Variants in GRK3 observed in about 807,000 individuals in gnomAD.
The protein encoded by GRK3 is G protein-coupled receptor kinase 3.
GRK3 carries 54 observed loss-of-function variants against 95.7 expected under a neutral mutation model. The observed-to-expected ratio is 0.56, with a 90% CI of 0.45 to 0.71. The LOEUF is 0.71. Ranked by LOEUF, GRK3 falls within the 30% of genes least tolerant of loss-of-function variation. The pLI is 0.00. For synonymous variants in GRK3, 281 were observed against 290.8 expected, an observed-to-expected ratio of 0.97 and a Z score of 0.34; for missense variants, 649 against 851.2, an observed-to-expected ratio of 0.76 and a Z score of 2.96.
At position 25,690,276 on chromosome 22, in the gene GRK3, G is replaced by A. The variant is rs2085154679; in HGVS notation, c.1045G>A (p.Ala349Thr). 4 of 1,612,748 alleles carry A rather than the reference G, an allele frequency of 2.5e-6. No homozygotes were observed. Among genetic ancestry groups the A allele is most frequent in the Non-Finnish European group, 3.4e-6 (4 of 1,178,712 alleles). The change falls in exon 12 of 21, where the codon GCG becomes ACG. Residue 349 changes from alanine (A) to threonine (T), a missense_variant. Transcript: ENST00000324198. ...CGATTTTTCCAAAAAGAAGCCTCAT[G>A]CGAGTGTGTAAGTAGTGCGTCAACT... Reference protein sequence around the residue: ...ACDFSKKKPHASVGTHGYMAP... With the variant: ...ACDFSKKKPHTSVGTHGYMAP...
intron 1 of GRK3, among the ~76,000 whole-genome samples, chr22:25,599,062 C>G (rs2084390830): frequency 6.6e-6 from 1 of 152,152 alleles, no homozygotes; most frequent in Non-Finnish European, 1.5e-5. Flanking sequence ...ACCATACTCC[C>G]AGAATAACTC....
At chr22:25,578,858 A>C (rs76631147) in intron 1 of GRK3, among the ~76,000 whole-genome samples, 310 of 152,252 alleles carry the variant, frequency 2.0e-3, no homozygotes, top group African/African-American at 7.1e-3. Flanking sequence ...TAAGAGAGTC[A>C]ATTTCTGCTT....
intron 1 of GRK3, among the ~76,000 whole-genome samples, chr22:25,587,772 G>A (rs892929978): frequency 1.4e-4 from 22 of 152,224 alleles, no homozygotes; most frequent in African/African-American, 4.8e-4. Context: ...TAAGTCTCAC[G>A]AGATCTGATG....
chr22:25,565,238 G>GC, intron 1 of GRK3, 85 bp downstream of exon 1: 1 of 608,732 alleles, frequency 1.6e-6, no homozygotes, highest in Non-Finnish European at 2.6e-6. Flanking sequence ...AGGGTCGGGC[G>GC]CTGAGCCTCC....
At chr22:25,701,157 G>A (rs190965150) in intron 13 of GRK3, among the ~76,000 whole-genome samples, 2 of 152,196 alleles carry the variant, frequency 1.3e-5, no homozygotes, top group African/African-American at 4.8e-5. Flanking sequence ...ATGTTGCATG[G>A]GAAGAGCTTG....
chr22:25,608,510 G>C (rs1341281480), intron 2 of GRK3, among the ~76,000 whole-genome samples: 1 of 152,058 alleles, frequency 6.6e-6, no homozygotes, highest in Non-Finnish European at 1.5e-5. Context: ...TAAAAGCAGA[G>C]TTTCCTCAGG....
intron 13 of GRK3, among the ~76,000 whole-genome samples, chr22:25,698,100 AG>A (rs1413587377): frequency 1.5e-5 from 2 of 135,344 alleles, no homozygotes; most frequent in African/African-American, 5.4e-5. Flanking sequence ...GAGGAAGGAG[AG>A]GGAGGGAGGA....
chr22:25,702,328 G>A (rs1029410945), intron 13 of GRK3, among the ~76,000 whole-genome samples: 1 of 152,090 alleles, frequency 6.6e-6, no homozygotes, highest in African/African-American at 2.4e-5. Flanking sequence ...CAAGATAAGT[G>A]GCATTTTAAT....
chr22:25,716,108 T>C (rs2146470491), intron 18 of GRK3, among the ~76,000 whole-genome samples: 1 of 152,288 alleles, frequency 6.6e-6, no homozygotes, highest in East Asian at 1.9e-4. Context: ...TGCCTCAGCC[T>C]CCCAAGCAGC....
intron 18 of GRK3, among the ~76,000 whole-genome samples, chr22:25,715,687 C>T (rs764126091): frequency 1.3e-5 from 2 of 152,020 alleles, no homozygotes; most frequent in South Asian, 2.1e-4. Context: ...TTATTGTAGT[C>T]GATGATTATG....
chr22:25,589,573 G>C (rs1438410160), intron 1 of GRK3, among the ~76,000 whole-genome samples: 1 of 152,158 alleles, frequency 6.6e-6, no homozygotes, highest in Non-Finnish European at 1.5e-5. Context: ...GTGAGGAGGA[G>C]TATAAAAGTA....
intron 13 of GRK3, among the ~76,000 whole-genome samples, chr22:25,700,171 A>G (rs887410985): frequency 6.6e-6 from 1 of 152,174 alleles, no homozygotes; most frequent in Non-Finnish European, 1.5e-5. Flanking sequence ...GGTGTTTTGC[A>G]TCCCTGGACT....
intron 17 of GRK3, 26 bp from the exon 18 acceptor site, chr22:25,714,382 A>G: frequency 2.5e-6 from 4 of 1,589,354 alleles, no homozygotes; most frequent in Non-Finnish European, 2.6e-6. Context: ...TAAATCATAA[A>G]TATCTTGATT....
At chr22:25,685,875 T>G (rs1026720400) in intron 10 of GRK3, among the ~76,000 whole-genome samples, 1 of 152,078 alleles carries the variant, frequency 6.6e-6, no homozygotes, top group African/African-American at 2.4e-5. Context: ...TAGTTTTTTT[T>G]TTTTTTTTTT....
At position 25,601,079 on chromosome 22, in the gene GRK3, C is replaced by T. The variant is rs116346603; in HGVS notation, c.114-3298C>T. Among the ~76,000 whole-genome samples the T allele has an allele frequency of 2.2e-3, 342 of 152,228 alleles. 2 individuals are homozygous for T. Among genetic ancestry groups the T allele is most frequent in the African/African-American group, 7.7e-3 (321 of 41,574 alleles). On this transcript the variant is annotated intron_variant, in intron 1 of 20. Transcript: ENST00000324198. ...AATTTTAGTTGACGGTTTCAACACTCCTCTCTCAGTAATTTATAGAAAAAG... is the reference window on the plus strand; with the variant it reads ...AATTTTAGTTGACGGTTTCAACACTTCTCTCTCAGTAATTTATAGAAAAAG...
chr22:25,677,721 A>G (rs1466692873), intron 8 of GRK3, among the ~76,000 whole-genome samples: 2 of 152,364 alleles, frequency 1.3e-5, no homozygotes, highest in East Asian at 1.9e-4. Context: ...GACAGTGTCC[A>G]TGCTGCAGAT....
At chr22:25,619,444 C>T (rs2084564191) in intron 2 of GRK3, among the ~76,000 whole-genome samples, 1 of 152,064 alleles carries the variant, frequency 6.6e-6, no homozygotes, top group South Asian at 2.1e-4. Context: ...ACACTCCAAG[C>T]TAAAGCTTTT....
At chr22:25,643,629 A>G (rs1013499940) in intron 2 of GRK3, among the ~76,000 whole-genome samples, 19 of 152,196 alleles carry the variant, frequency 1.2e-4, no homozygotes, top group African/African-American at 3.6e-4. Context: ...ATAATCTTCA[A>G]GTATCTCTAC....
chr22:25,714,337 T>C, intron 17 of GRK3, 71 bp from the exon 18 acceptor site: 1 of 1,330,428 alleles, frequency 7.5e-7, no homozygotes, highest in East Asian at 2.3e-5. Context: ...TCACCATGGA[T>C]GTGGCGCCGC....
Sources: allele counts gnomAD v4.1 joint callset (sites outside exome capture counted in the v4.1 genomes callset), GRCh38; gene constraint gnomAD v4.1.1; transcripts MANE v1.5; gene names NCBI Gene and HGNC (gene_info 2026-07-23, HGNC 2026-07-21).